Variants in ARHGAP6 observed in about 807,000 individuals in gnomAD.
ARHGAP6 encodes the protein Rho GTPase activating protein 6.
In ARHGAP6, 16 loss-of-function variants were observed where a neutral mutation model predicts 55.7. That is an observed-to-expected ratio of 0.29 (90% confidence interval 0.19 to 0.44). The LOEUF is 0.44. Ranked by LOEUF, ARHGAP6 falls within the 20% of genes least tolerant of loss-of-function variation. ARHGAP6 has a pLI of 1.00. For synonymous variants in ARHGAP6, 382 were observed against 360.9 expected (o/e 1.06, Z -0.66); for missense variants, 698 against 808.9 (o/e 0.86, Z 1.66).
intron 8 of ARHGAP6, among the ~76,000 whole-genome samples, chrX:11,174,013 G>T (rs2046131834): frequency 8.9e-6 from 1 of 112,068 alleles, no homozygotes; most frequent in Non-Finnish European, 1.9e-5. Flanking sequence ...GGGAAGAGAA[G>T]AAGTTGAAAA....
At chrX:11,456,934 G>A (rs1350411768) in intron 1 of ARHGAP6, among the ~76,000 whole-genome samples, 3 of 111,248 alleles carry the variant, frequency 2.7e-5, no homozygotes, top group Non-Finnish European at 5.7e-5. Context: ...CTTAAAAGAG[G>A]GCTGGTCTAC....
At chrX:11,188,630 C>T (rs2046416111) in intron 4 of ARHGAP6, 98 bp downstream of exon 4, 1 of 1,091,049 alleles carries the variant, frequency 9.2e-7, no homozygotes, top group South Asian at 2.2e-5. Flanking sequence ...TGAACACCAA[C>T]TACATATCCA....
intron 1 of ARHGAP6, among the ~76,000 whole-genome samples, chrX:11,541,801 G>A (rs2051160545): frequency 8.9e-6 from 1 of 112,248 alleles, no homozygotes; most frequent in African/African-American, 3.2e-5. Context: ...TCTGTGAAAT[G>A]GGGATAATAG....
chrX:11,380,096 G>A (rs1569321649), intron 1 of ARHGAP6, among the ~76,000 whole-genome samples: 1 of 111,525 alleles, frequency 9.0e-6, no homozygotes, highest in Non-Finnish European at 1.9e-5. Flanking sequence ...AAATAGAGAA[G>A]ATTACTTATT....
chrX:11,321,852 A>G (rs1424600795), intron 1 of ARHGAP6, among the ~76,000 whole-genome samples: 1 of 112,590 alleles, frequency 8.9e-6, no homozygotes, highest in Non-Finnish European at 1.9e-5. Flanking sequence ...TTAAAAATTA[A>G]AACAAATTAA....
intron 11 of ARHGAP6, chrX:11,143,622 A>C (rs973138917): frequency 1.0e-6 from 1 of 967,165 alleles, no homozygotes; most frequent in Non-Finnish European, 1.3e-6. Flanking sequence ...ATTGGGTGGC[A>C]CCTCAGACTA....
chrX:11,271,640 C>A (rs2047694857), intron 1 of ARHGAP6, among the ~76,000 whole-genome samples: 1 of 111,443 alleles, frequency 9.0e-6, no homozygotes, highest in South Asian at 3.8e-4. Context: ...GGACAATGAG[C>A]CTCTCGGTTT....
At chrX:11,482,895 T>C (rs1296750539) in intron 1 of ARHGAP6, among the ~76,000 whole-genome samples, 1 of 111,772 alleles carries the variant, frequency 8.9e-6, no homozygotes, top group Non-Finnish European at 1.9e-5. Context: ...TCCCCAGTAC[T>C]TCTCTGTGGA....
At chrX:11,225,742 G>A (rs1417137074) in intron 2 of ARHGAP6, 6 of 604,046 alleles carry the variant, frequency 9.9e-6, no homozygotes, top group Non-Finnish European at 1.5e-5. Flanking sequence ...GCCGCCACAT[G>A]AGCAATTCAC....
At chrX:11,434,496 G>A (rs1399125511) in intron 1 of ARHGAP6, among the ~76,000 whole-genome samples, 1 of 110,637 alleles carries the variant, frequency 9.0e-6, no homozygotes, top group Non-Finnish European at 1.9e-5. Flanking sequence ...TGACCACTCT[G>A]GAGTTCTTTG....
At chrX:11,154,416 G>A (rs139887662) in intron 10 of ARHGAP6, among the ~76,000 whole-genome samples, 3,576 of 112,294 alleles carry the variant, frequency 0.032, 44 homozygotes, top group African/African-American at 0.057. Flanking sequence ...CCTAATAGAA[G>A]AGAAAGAAAG....
At position 11,275,913 on chromosome X, in the gene ARHGAP6, A is replaced by C. The variant is rs771781801; in HGVS notation, c.589-21206T>G. Among the ~76,000 whole-genome samples, 9 of 111,848 alleles carry C rather than the reference A, an allele frequency of 8.0e-5. No homozygotes were observed. In the South Asian group the frequency reaches 3.0e-3, roughly 37 times the overall value. Reference sequence around the variant, plus strand: ...TGTCGTCCCCCTACAGGGACATTACAAATGAATCATCACATTAACAAGAAA... The same window carrying C: ...TGTCGTCCCCCTACAGGGACATTACCAATGAATCATCACATTAACAAGAAA... On this transcript the variant is annotated intron_variant, in intron 1 of 12. Transcript: ENST00000337414.
intron 5 of ARHGAP6, among the ~76,000 whole-genome samples, chrX:11,184,080 C>T (rs2046354685): frequency 8.9e-6 from 1 of 111,861 alleles, no homozygotes; most frequent in African/African-American, 3.3e-5. Flanking sequence ...CTCATGACAT[C>T]GTTTGAATCC....
At chrX:11,527,994 A>T (rs1324908867) in intron 1 of ARHGAP6, among the ~76,000 whole-genome samples, 1 of 112,687 alleles carries the variant, frequency 8.9e-6, no homozygotes, top group Non-Finnish European at 1.9e-5. Flanking sequence ...AATTAGTTAC[A>T]TTAGCTGAAT....
chrX:11,380,331 G>T (rs995889117), intron 1 of ARHGAP6, among the ~76,000 whole-genome samples: 1 of 111,744 alleles, frequency 8.9e-6, no homozygotes, highest in Non-Finnish European at 1.9e-5. Flanking sequence ...TTTCAGCTGG[G>T]TGTGGTTCCT....
rs1369603911 is a variant in ARHGAP6, at chrX:11,138,010, G to GT, written c.*852dup. On this transcript the variant is annotated 3_prime_UTR_variant, in exon 13 of 13. Coordinates refer to ENST00000337414, the MANE Select transcript of ARHGAP6 (RefSeq NM_013427.3). ...CTTTATAGTTGGATTCCAGTTTGTA[G>GT]TTTTGAAAAATACATAAAAATTATA... 1 of 111,483 alleles carries GT rather than the reference G, an allele frequency of 9.0e-6. No individual in the cohort carries two copies. Among genetic ancestry groups the GT allele is most frequent in the Non-Finnish European group, 1.9e-5 (1 of 53,128 alleles). 9.2% of individuals were successfully genotyped at this position (111,483 alleles called of 1,213,427 possible).
At chrX:11,342,459 T>C (rs2048718871) in intron 1 of ARHGAP6, among the ~76,000 whole-genome samples, 1 of 112,365 alleles carries the variant, frequency 8.9e-6, no homozygotes, top group African/African-American at 3.2e-5. Flanking sequence ...TAACTTTAAA[T>C]GGGACTGAAA....
chrX:11,526,841 T>G (rs894491172), intron 1 of ARHGAP6, among the ~76,000 whole-genome samples: 1 of 112,122 alleles, frequency 8.9e-6, no homozygotes, highest in Non-Finnish European at 1.9e-5. Flanking sequence ...TGCTAATTTC[T>G]GTCATTATAT....
At chrX:11,280,745 CAAA>C (rs59290872) in intron 1 of ARHGAP6, among the ~76,000 whole-genome samples, 4 of 53,036 alleles carry the variant, frequency 7.5e-5, no homozygotes, top group Non-Finnish European at 7.0e-5. Flanking sequence ...GACCTTGTCT[CAAA>C]AAAAAAAAAA....
Sources: gnomAD v4.1 joint callset for allele counts (sites outside exome capture counted in the v4.1 genomes callset) on GRCh38, gnomAD v4.1.1 for gene constraint, MANE v1.5 for transcripts, NCBI Gene and HGNC (gene_info 2026-07-23, HGNC 2026-07-21) for gene names.